TES: variants seen among roughly 807,000 people sequenced by gnomAD.
TES encodes the protein testin LIM domain protein.
TES carries 41 observed loss-of-function variants against 48.2 expected under a neutral mutation model. The ratio of observed to expected loss-of-function variants is 0.85; its 90% CI spans 0.66 to 1.10. TES has a LOEUF of 1.10. Among genes scored for constraint, TES ranks in the 50% least tolerant of loss-of-function variants. The pLI is 0.00. For synonymous variants in TES, 162 were observed against 174.9 expected (o/e 0.93, Z 0.58); for missense variants, 463 against 515.1 (o/e 0.90, Z 0.98).
intron 1 of TES, among the ~76,000 whole-genome samples, chr7:116,229,131 T>C (rs1003135083): frequency 6.6e-6 from 1 of 151,576 alleles, no homozygotes; most frequent in Non-Finnish European, 1.5e-5. Flanking sequence ...GATTTCACTT[T>C]CTAAACAGCT....
At chr7:116,248,923 A>G (rs1799962852) in intron 2 of TES, 97 bp from the exon 3 acceptor site, 1 of 1,279,350 alleles carries the variant, frequency 7.8e-7, no homozygotes, top group Admixed American at 2.8e-5. Context: ...ACCATGATAT[A>G]GAATAGGCCT....
At chr7:116,218,140 G>C (rs1308233327) in intron 1 of TES, among the ~76,000 whole-genome samples, 2 of 152,104 alleles carry the variant, frequency 1.3e-5, no homozygotes, top group African/African-American at 4.8e-5. Context: ...TGACAGCAAA[G>C]TTACTACTCT....
Position 116,229,323 on chromosome 7 carries a change from C to G in TES, c.28-5211C>G, listed in dbSNP as rs142436995. On this transcript the variant is annotated intron_variant, in intron 1 of 6. Transcript: ENST00000358204. The stretch of plus-strand genomic sequence containing the variant: ...AACTAACCTACAAGATTTGGATGTC[C>G]AAGAATAGTCATAGCCTTGGCTCTT... 1.2e-3 allele frequency among the ~76,000 whole-genome samples: 182 copies of G among 152,002 alleles called. 1 individual carries two copies. The highest frequency in any genetic ancestry group is 4.2e-3 in the African/African-American group (173 of 41,446).
At chr7:116,224,194 C>A (rs1260803426) in intron 1 of TES, among the ~76,000 whole-genome samples, 1 of 152,190 alleles carries the variant, frequency 6.6e-6, no homozygotes, top group African/African-American at 2.4e-5. Flanking sequence ...GCCCAGCTGA[C>A]CCCGATTGCA....
chr7:116,245,982 A>G (rs564168710), intron 2 of TES, among the ~76,000 whole-genome samples: 45 of 152,172 alleles, frequency 3.0e-4, no homozygotes, highest in Non-Finnish European at 5.9e-4. Flanking sequence ...CATGAGGGTA[A>G]CAGCCCTCAT....
At chr7:116,227,315 G>T (rs1200709657) in intron 1 of TES, among the ~76,000 whole-genome samples, 1 of 151,300 alleles carries the variant, frequency 6.6e-6, no homozygotes, top group Non-Finnish European at 1.5e-5. Flanking sequence ...GTAGAAACGG[G>T]GTTTCACCAT....
intron 1 of TES, among the ~76,000 whole-genome samples, chr7:116,226,869 T>G (rs1799627260): frequency 6.6e-6 from 1 of 152,180 alleles, no homozygotes; most frequent in Non-Finnish European, 1.5e-5. Context: ...GTCTTCAGTC[T>G]TCTTCTCATG....
intron 1 of TES, among the ~76,000 whole-genome samples, chr7:116,227,561 G>A (rs937839743): frequency 1.3e-5 from 2 of 152,076 alleles, no homozygotes; most frequent in Non-Finnish European, 2.9e-5. Flanking sequence ...GATCACACTG[G>A]ATTTCTAAGA....
At chr7:116,217,004 CTG>C (rs1799501917) in intron 1 of TES, among the ~76,000 whole-genome samples, 1 of 152,030 alleles carries the variant, frequency 6.6e-6, no homozygotes, top group South Asian at 2.1e-4. Context: ...GTTCTAGACT[CTG>C]GGGTTATAGT....
chr7:116,251,871 C>G lies in TES; in HGVS notation c.814C>G (p.His272Asp). 6.2e-7 allele frequency: 1 copy of G among 1,614,130 alleles called. No individual in the cohort carries two copies. Among genetic ancestry groups the G allele is most frequent in the South Asian group, 1.1e-5 (1 of 91,076 alleles). The change falls in exon 5 of 7, where the codon CAT becomes GAT. Residue 272 changes from histidine (H) to aspartate (D), a missense_variant. His to Asp is a moderately conservative substitution (Grantham distance 81). Coordinates refer to ENST00000358204, the MANE Select transcript of TES (RefSeq NM_015641.4). Reference sequence around the variant, plus strand: ...AGCTTGTTTTGTCTGCAGCACCTGCCATGAACTCCTGGTTGACATGATTTA... The same window carrying G: ...AGCTTGTTTTGTCTGCAGCACCTGCGATGAACTCCTGGTTGACATGATTTA... ...HPACFVCSTC[H>D]ELLVDMIYFW... is the part of the protein sequence containing the mutation.
chr7:116,255,141 A>G (rs1343714478), intron 6 of TES: 1 of 152,122 alleles, frequency 6.6e-6, no homozygotes, highest in African/African-American at 2.4e-5. Context: ...AGTCACTAGA[A>G]CTCCATAGTT....
intron 1 of TES, among the ~76,000 whole-genome samples, chr7:116,232,191 A>G (rs1006715709): frequency 2.6e-5 from 4 of 152,188 alleles, no homozygotes; most frequent in African/African-American, 9.7e-5. Flanking sequence ...GGCAATTCCA[A>G]TCTGAAGGCA....
intron 6 of TES, among the ~76,000 whole-genome samples, chr7:116,253,538 C>T (rs1362371325): frequency 2.0e-5 from 3 of 152,070 alleles, no homozygotes; most frequent in Non-Finnish European, 4.4e-5. Flanking sequence ...TCCTAAAATG[C>T]AAATTATTAA....
chr7:116,236,787 A>G (rs1446053529), intron 2 of TES, among the ~76,000 whole-genome samples: 5 of 152,216 alleles, frequency 3.3e-5, no homozygotes, highest in Admixed American at 1.3e-4. Context: ...TCTCCATGGC[A>G]TGAAAATAAC....
intron 2 of TES, among the ~76,000 whole-genome samples, chr7:116,240,370 C>G (rs970981112): frequency 2.6e-5 from 4 of 151,944 alleles, no homozygotes; most frequent in African/African-American, 9.7e-5. Flanking sequence ...TTTTTTTCAG[C>G]TTGAAAATGT....
intron 6 of TES, 44 bp downstream of exon 6, chr7:116,252,520 G>T: frequency 6.2e-7 from 1 of 1,614,022 alleles, no homozygotes; most frequent in Non-Finnish European, 8.5e-7. Context: ...CCTGCTTTAG[G>T]ACTTGAGTTT....
chr7:116,249,032 T>C lies in TES; in HGVS notation c.126T>C (p.Arg42=). 2 of 1,586,842 alleles carry C rather than the reference T, an allele frequency of 1.3e-6. No individual in the cohort carries two copies. The highest frequency in any genetic ancestry group is 1.7e-6 in the Non-Finnish European group (2 of 1,167,224). ...TTCAAAATTATAGAAAAATATGTCG[T>C]AACTGCAAGTGTGGCCAAGAAGAGC... ...FELHFWRKIC[R]NCKCGQEEHD... is the part of the protein sequence containing the mutation. The change falls in exon 3 of 7, where the codon CGT becomes CGC. Residue 42 remains arginine (R), a synonymous_variant. Transcript: ENST00000358204.
At position 116,257,731 on chromosome 7, in the gene TES, A is replaced by G; in HGVS notation, c.*249A>G. ...TCTTTCCATAGCTTTTCAAATGTGA[A>G]ATCATTTTTGGAAGCTTGGATCTCA... On this transcript the variant is annotated 3_prime_UTR_variant, in exon 7 of 7. Transcript: ENST00000358204. 1 of 292,948 alleles carries G rather than the reference A, an allele frequency of 3.4e-6. No individual in the cohort carries two copies. Among genetic ancestry groups the G allele is most frequent in the Non-Finnish European group, 6.1e-6 (1 of 164,370 alleles). 18.1% of individuals were successfully genotyped at this position (292,948 alleles called of 1,614,324 possible). A position where few individuals can be genotyped will look rare whatever the true frequency, so the allele number is the denominator to read the frequency against.
chr7:116,228,813 G>A (rs1018605657), intron 1 of TES, among the ~76,000 whole-genome samples: 18 of 151,734 alleles, frequency 1.2e-4, no homozygotes, highest in Admixed American at 3.3e-4. Flanking sequence ...AAAATTAAAA[G>A]GTATCTTGGA....
Sources: gnomAD v4.1 joint callset for allele counts (sites outside exome capture counted in the v4.1 genomes callset) on GRCh38, gnomAD v4.1.1 for gene constraint, MANE v1.5 for transcripts, NCBI Gene and HGNC (gene_info 2026-07-23, HGNC 2026-07-21) for gene names.